The following CRY2 variants were observed in gnomAD, a reference collection of about 807,000 sequenced individuals.
CRY2 encodes the protein cryptochrome circadian regulator 2.
A neutral mutation model predicts 69.5 loss-of-function variants in CRY2; 31 were observed. That is an observed-to-expected ratio of 0.45 (90% CI 0.34 to 0.60). CRY2 has a LOEUF of 0.60. Ranked by LOEUF, CRY2 falls within the 20% of genes least tolerant of loss-of-function variation. The pLI is 0.02. For synonymous variants in CRY2, 303 were observed against 312.2 expected (o/e 0.97, Z 0.31); for missense variants, 606 against 797.8 (o/e 0.76, Z 2.90).
At chr11:45,857,158 A>G (rs1405767850) in intron 2 of CRY2, among the ~76,000 whole-genome samples, 2 of 152,190 alleles carry the variant, frequency 1.3e-5, no homozygotes, top group African/African-American at 2.4e-5. Flanking sequence ...TTGTGCATAC[A>G]TGTACAAATC....
chr11:45,869,474 GTT>G, intron 6 of CRY2, 30 bp from the exon 7 acceptor site: 1 of 1,577,876 alleles, frequency 6.3e-7, no homozygotes, highest in Non-Finnish European at 8.6e-7. Flanking sequence ...CTGGGCGAGT[GTT>G]TGTATCCATG....
chr11:45,870,640 T>C, intron 9 of CRY2, 108 bp downstream of exon 9: 1 of 1,390,728 alleles, frequency 7.2e-7, no homozygotes, highest in Non-Finnish European at 9.9e-7. Context: ...AGTGCTGTCT[T>C]TCAGGTTGAC....
intron 10 of CRY2, 128 bp from the exon 11 acceptor site, chr11:45,871,964 A>T: frequency 7.5e-7 from 1 of 1,330,618 alleles, no homozygotes; most frequent in Non-Finnish European, 1.0e-6. Flanking sequence ...GGCAGGTCTG[A>T]GGAGCAGCAT....
chr11:45,874,141 ATGG>A (rs1371335309), intron 11 of CRY2, among the ~76,000 whole-genome samples: 1 of 152,078 alleles, frequency 6.6e-6, no homozygotes, highest in Non-Finnish European at 1.5e-5. Context: ...ATTAGCTGGC[ATGG>A]TGACGTATGC....
At chr11:45,849,727 T>C (rs918909003) in intron 1 of CRY2, among the ~76,000 whole-genome samples, 6 of 151,748 alleles carry the variant, frequency 4.0e-5, no homozygotes, top group Non-Finnish European at 8.8e-5. Flanking sequence ...TTCAAGCAAT[T>C]CTCCTGCCTC....
intron 4 of CRY2, 173 bp downstream of exon 4, chr11:45,861,205 A>G (rs2086285590): frequency 3.0e-6 from 2 of 659,026 alleles, no homozygotes; most frequent in East Asian, 5.5e-5. Flanking sequence ...TTAATTTTAA[A>G]CTGTGTCCTT....
At chr11:45,867,966 C>T in intron 6 of CRY2, 1 of 594,606 alleles carries the variant, frequency 1.7e-6, no homozygotes, top group South Asian at 2.4e-5. Context: ...CAGAATGAAG[C>T]CCAGACCATC....
chr11:45,857,450 G>A (rs2086250341), intron 2 of CRY2, among the ~76,000 whole-genome samples: 1 of 152,112 alleles, frequency 6.6e-6, no homozygotes. Context: ...CAGCAACTCA[G>A]AGGCCAACCC....
chr11:45,880,179 T>C (rs891511703), intron 11 of CRY2, among the ~76,000 whole-genome samples: 1 of 152,140 alleles, frequency 6.6e-6, no homozygotes, highest in Non-Finnish European at 1.5e-5. Flanking sequence ...CTCACCCACA[T>C]TTAAACTGCA....
At chr11:45,850,532 C>T (rs546948254) in intron 1 of CRY2, among the ~76,000 whole-genome samples, 4 of 152,268 alleles carry the variant, frequency 2.6e-5, no homozygotes, top group Admixed American at 6.5e-5. Flanking sequence ...CCACCTCCAC[C>T]ATTCTGCTTG....
intron 11 of CRY2, among the ~76,000 whole-genome samples, chr11:45,877,902 C>T (rs1480504669): frequency 2.0e-5 from 3 of 152,186 alleles, no homozygotes; most frequent in Non-Finnish European, 2.9e-5. Context: ...GTTGGTTCTT[C>T]TAAACCTTGG....
rs1042407129 is a variant in CRY2, at chr11:45,868,769, G to A, written c.883-737G>A. 6.6e-5 allele frequency among the ~76,000 whole-genome samples: 10 copies of A among 152,048 alleles called. 1 individual carries two copies. Among genetic ancestry groups the A allele is most frequent in the Admixed American group, 5.2e-4 (8 of 15,268 alleles). On this transcript the variant is annotated intron_variant, in intron 6 of 11. Transcript: ENST00000616080. ...CTATCTCAGCCTCCCCAGCAGTTGG[G>A]ACTATAGGTGCATGCCACCACACCT... is the stretch of plus-strand genomic sequence containing the variant.
At chr11:45,863,898 A>G (rs943438084) in intron 5 of CRY2, among the ~76,000 whole-genome samples, 2 of 152,190 alleles carry the variant, frequency 1.3e-5, no homozygotes, top group African/African-American at 2.4e-5. Context: ...AGGAAGCTAC[A>G]TGATCTTTAC....
At chr11:45,865,373 CCTTAG>C (rs2086323125) in intron 5 of CRY2, among the ~76,000 whole-genome samples, 1 of 152,052 alleles carries the variant, frequency 6.6e-6, no homozygotes, top group Admixed American at 6.6e-5. Flanking sequence ...TGGATGTTTG[CCTTAG>C]AATAATTCAT....
chr11:45,858,493 C>T, intron 2 of CRY2: 1 of 494,188 alleles, frequency 2.0e-6, no homozygotes, highest in Non-Finnish European at 3.6e-6. Context: ...GGCTGCCTAC[C>T]TCTCTCCCAA....
At chr11:45,875,595 GT>G (rs1160800626) in intron 11 of CRY2, among the ~76,000 whole-genome samples, 1 of 152,156 alleles carries the variant, frequency 6.6e-6, no homozygotes, top group Non-Finnish European at 1.5e-5. Flanking sequence ...GATTCTTGAG[GT>G]TTACTCTGCC....
At chr11:45,847,197 C>G (rs1333727205), upstream of CRY2, 33 of 1,549,664 alleles carry the variant, frequency 2.1e-5, no homozygotes, top group African/African-American at 3.7e-4. Context: ...ACTCCCGGCA[C>G]TCCGCGGACA....
At chr11:45,870,962 G>A in intron 10 of CRY2, 28 bp downstream of exon 10, 1 of 1,573,396 alleles carries the variant, frequency 6.4e-7, no homozygotes. Context: ...ACCTCCTGTG[G>A]CCTCCTGTGG....
In CRY2 at chr11:45,870,316, G is replaced by A. The variant is rs1025460040; in HGVS notation, c.1347-14G>A. On this transcript the variant is annotated splice_polypyrimidine_tract_variant and intron_variant, in intron 8 of 11. Coordinates refer to ENST00000616080, the MANE Select transcript of CRY2 (RefSeq NM_021117.5). ...TGGGTATGCTGATGGGTCATCTGGT[G>A]TATCTTATTTCAGGCGATACCTGCC... 1.2e-5 allele frequency: 19 copies of A among 1,614,030 alleles called. No homozygotes were observed. The highest frequency in any genetic ancestry group is 2.7e-5 in the African/African-American group (2 of 74,938).
Sources: gnomAD v4.1 joint callset for allele counts (sites outside exome capture counted in the v4.1 genomes callset) on GRCh38, gnomAD v4.1.1 for gene constraint, MANE v1.5 for transcripts, NCBI Gene and HGNC (gene_info 2026-07-23, HGNC 2026-07-21) for gene names.